SNX14: variants seen among roughly 807,000 people sequenced by gnomAD.
The protein encoded by SNX14 is sorting nexin 14.
Under a neutral mutation model 133.8 loss-of-function variants are expected in SNX14, and 93 were observed. That is an observed-to-expected ratio of 0.70 (90% CI 0.59 to 0.83). The LOEUF (loss-of-function observed/expected upper bound fraction) is 0.83. Ranked by LOEUF, SNX14 falls within the 40% of genes least tolerant of loss-of-function variation. The pLI, the probability that SNX14 is intolerant of heterozygous loss-of-function variation, is 0.00. For synonymous variants in SNX14, 368 were observed against 365.6 expected, an observed-to-expected ratio of 1.01 and a Z score of -0.07; for missense variants, 945 against 1,094.9, an observed-to-expected ratio of 0.86 and a Z score of 1.93.
At chr6:85,550,320 C>T (rs1481350142) in intron 7 of SNX14, among the ~76,000 whole-genome samples, 1 of 152,080 alleles carries the variant, frequency 6.6e-6, no homozygotes, top group Non-Finnish European at 1.5e-5. Flanking sequence ...CCTTTGCAAA[C>T]AAGAATTTAA....
At chr6:85,547,284 T>C in intron 11 of SNX14, 33 bp downstream of exon 11, 1 of 1,610,926 alleles carries the variant, frequency 6.2e-7, no homozygotes, top group Non-Finnish European at 8.5e-7. Context: ...AAATTGTTTA[T>C]ATCAAAAAGG....
chr6:85,548,388 A>T lies in SNX14; in HGVS notation c.792-12T>A, dbSNP rs1234135479. 20 of 1,553,998 alleles carry T rather than the reference A, an allele frequency of 1.3e-5. No individual in the cohort carries two copies. Among genetic ancestry groups the T allele is most frequent in the Non-Finnish European group, 1.7e-5 (19 of 1,142,932 alleles). On this transcript the variant is annotated splice_polypyrimidine_tract_variant and intron_variant, in intron 8 of 28. Transcript: ENST00000314673. ...GTAAGGTCAGAGATCTGGAAAAAGA[A>T]ATAATAATAATTGTTTATATTTAGT...
chr6:85,554,865 G>A (rs1789118399), intron 7 of SNX14, among the ~76,000 whole-genome samples: 1 of 151,750 alleles, frequency 6.6e-6, no homozygotes, highest in African/African-American at 2.4e-5. Flanking sequence ...TGTTGCCCAG[G>A]CTGGAGTGTA....
chr6:85,522,806 T>C (rs1036655726), intron 21 of SNX14, among the ~76,000 whole-genome samples: 3 of 152,204 alleles, frequency 2.0e-5, no homozygotes, highest in Non-Finnish European at 2.9e-5. Context: ...TCTCACTCTC[T>C]TGCATGTACT....
chr6:85,528,483 A>T, intron 19 of SNX14, 121 bp from the exon 20 acceptor site: 1 of 558,258 alleles, frequency 1.8e-6, no homozygotes, highest in Non-Finnish European at 2.8e-6. Context: ...TACAGATGTG[A>T]CATTACTCTT....
intron 1 of SNX14, among the ~76,000 whole-genome samples, chr6:85,584,195 T>C (rs1324363838): frequency 1.3e-5 from 2 of 152,172 alleles, no homozygotes; most frequent in East Asian, 3.9e-4. Flanking sequence ...TGGCTAGCCA[T>C]ATGCAGAAAA....
Position 85,565,423 on chromosome 6 carries a change from C to T in SNX14, c.462-4G>A. Reference sequence around the variant, plus strand: ...GGATTCATCATCTGTCACATCCCTTCAATAAGGAGAAAAACAAATATTCAG... The same window carrying T: ...GGATTCATCATCTGTCACATCCCTTTAATAAGGAGAAAAACAAATATTCAG... On this transcript the variant is annotated splice_region_variant and splice_polypyrimidine_tract_variant and intron_variant, in intron 5 of 28. Coordinates refer to ENST00000314673, the MANE Select transcript of SNX14 (RefSeq NM_153816.6). 1 of 1,578,192 alleles carries T rather than the reference C, an allele frequency of 6.3e-7. No individual in the cohort carries two copies. The highest frequency in any genetic ancestry group is 8.6e-7 in the Non-Finnish European group (1 of 1,160,174).
chr6:85,588,562 C>T (rs545483390), intron 1 of SNX14, among the ~76,000 whole-genome samples: 6 of 117,804 alleles, frequency 5.1e-5, no homozygotes, highest in East Asian at 5.4e-4. Context: ...GAGCAAAGAG[C>T]GAGACTCCGT....
chr6:85,548,620 C>T (rs1371328654), intron 8 of SNX14, among the ~76,000 whole-genome samples: 1 of 152,078 alleles, frequency 6.6e-6, no homozygotes, highest in Non-Finnish European at 1.5e-5. Flanking sequence ...TAGAATATTA[C>T]TTAAGAGAAG....
At chr6:85,527,605 C>A (rs1344300480) in intron 20 of SNX14, among the ~76,000 whole-genome samples, 1 of 151,856 alleles carries the variant, frequency 6.6e-6, no homozygotes. Context: ...TGAAAGTATC[C>A]TCCCTTGTAA....
At chr6:85,588,454 G>A (rs924326981) in intron 1 of SNX14, among the ~76,000 whole-genome samples, 1 of 151,798 alleles carries the variant, frequency 6.6e-6, no homozygotes, top group African/African-American at 2.4e-5. Flanking sequence ...GCGGGCGCCT[G>A]TAGTCCCAGC....
At position 85,507,958 on chromosome 6, in the gene SNX14, TG is replaced by T; in HGVS notation, c.2745+9del. ...GCCAGCATGAGTTTACGAGCTTTAATGAGCTTTACCTGCTTGTTGAGTACTG... is the reference window on the plus strand; with the variant it reads ...GCCAGCATGAGTTTACGAGCTTTAATAGCTTTACCTGCTTGTTGAGTACTG... On this transcript the variant is annotated intron_variant, in intron 27 of 28. Coordinates refer to ENST00000314673, the MANE Select transcript of SNX14 (RefSeq NM_153816.6). 1 of 1,599,258 alleles carries T rather than the reference TG, an allele frequency of 6.3e-7. No homozygotes were observed. The highest frequency in any genetic ancestry group is 8.6e-7 in the Non-Finnish European group (1 of 1,167,394).
intron 17 of SNX14, 79 bp downstream of exon 17, chr6:85,536,713 A>G: frequency 7.1e-7 from 1 of 1,407,448 alleles, no homozygotes; most frequent in East Asian, 2.5e-5. Flanking sequence ...CAAAAAAAGG[A>G]AAATAATGAG....
chr6:85,514,403 A>C (rs1190356362), intron 24 of SNX14, 103 bp downstream of exon 24: 10 of 1,470,134 alleles, frequency 6.8e-6, no homozygotes, highest in Non-Finnish European at 8.3e-6. Context: ...AGGTATCTTC[A>C]ATTAAAAAGA....
At chr6:85,563,155 C>A (rs1190152190) in intron 6 of SNX14, among the ~76,000 whole-genome samples, 1 of 151,998 alleles carries the variant, frequency 6.6e-6, no homozygotes, top group Non-Finnish European at 1.5e-5. Context: ...TATCTTTTCT[C>A]TAGCAGTTGA....
At chr6:85,524,555 A>G (rs991126536) in intron 21 of SNX14, among the ~76,000 whole-genome samples, 1 of 151,998 alleles carries the variant, frequency 6.6e-6, no homozygotes, top group Non-Finnish European at 1.5e-5. Flanking sequence ...GCCAAGGCAG[A>G]TGGATTACCT....
In SNX14 at chr6:85,517,829, C is replaced by A; in HGVS notation, c.2195G>T (p.Cys732Phe). 1 of 1,610,452 alleles carries A rather than the reference C, an allele frequency of 6.2e-7. No individual in the cohort carries two copies. Among genetic ancestry groups the A allele is most frequent in the East Asian group, 2.2e-5 (1 of 44,752 alleles). Residue 732 changes from cysteine (C) to phenylalanine (F), a missense_variant, in exon 23 of 29, where the codon TGT (cysteine) becomes TTT (phenylalanine). Cys to Phe is a radical substitution (Grantham distance 205). Around this residue, in one of 3 missense-constraint regions of SNX14, gnomAD observed 412 missense variants for 516.6 expected, o/e 0.80. Coordinates refer to ENST00000314673, the MANE Select transcript of SNX14 (RefSeq NM_153816.6). ...EPFIMNFINSCESPKPKPSRP... is the reference protein window; with the variant it reads ...EPFIMNFINSFESPKPKPSRP... ...ACTTGGTTTAGGCTTTGGAGACTCA[C>A]AAGAATTAATGAAATTCATGATAAA...
chr6:85,507,569 A>G (rs1016282946), intron 27 of SNX14, among the ~76,000 whole-genome samples: 1 of 152,196 alleles, frequency 6.6e-6, no homozygotes, highest in South Asian at 2.1e-4. Flanking sequence ...AAAAACAAGA[A>G]CACAAAATCA....
chr6:85,523,160 A>G (rs903260447), intron 21 of SNX14, among the ~76,000 whole-genome samples: 1 of 152,244 alleles, frequency 6.6e-6, no homozygotes, highest in African/African-American at 2.4e-5. Context: ...CCGGTAAGTT[A>G]TATTGGTATC....
Sources: allele counts gnomAD v4.1 joint callset (sites outside exome capture counted in the v4.1 genomes callset), GRCh38; gene constraint gnomAD v4.1.1; regional missense constraint gnomAD v4.1.1; transcripts MANE v1.5; gene names NCBI Gene and HGNC (gene_info 2026-07-23, HGNC 2026-07-21).